The following MECOM variants were observed in gnomAD, a reference collection of about 807,000 sequenced individuals.
MECOM encodes MDS1 and EVI1 complex locus, also known as histone-lysine N-methyltransferase MECOM.
Under a neutral mutation model 116.3 loss-of-function variants are expected in MECOM, and 13 were observed. That is an observed-to-expected ratio of 0.11 (90% CI 0.07 to 0.18). The LOEUF is 0.18. Among genes scored for constraint, MECOM ranks in the 10% least tolerant of loss-of-function variants. The probability of loss-of-function intolerance (pLI) is 1.00; values close to 1 mark genes in which losing one functional copy is unlikely to be tolerated. For synonymous variants in MECOM, 528 were observed against 535.2 expected (o/e 0.99, Z 0.19); for missense variants, 1,299 against 1,509.0 (o/e 0.86, Z 2.31).
intron 7 of MECOM, 127 bp from the exon 8 acceptor site, chr3:169,116,866 C>A: frequency 8.4e-7 from 1 of 1,193,442 alleles, no homozygotes; most frequent in South Asian, 1.8e-5. Context: ...AGGCACCAAT[C>A]TGGGTGCTCC....
chr3:169,377,934 A>G (rs1731315251), intron 2 of MECOM, among the ~76,000 whole-genome samples: 3 of 152,190 alleles, frequency 2.0e-5, no homozygotes, highest in African/African-American at 7.2e-5. Context: ...AATGCCCATC[A>G]ATGATAGACT....
chr3:169,537,571 A>G (rs899317408), intron 1 of MECOM, among the ~76,000 whole-genome samples: 2 of 152,202 alleles, frequency 1.3e-5, no homozygotes, highest in Admixed American at 6.5e-5. Flanking sequence ...TGCCAATGTT[A>G]TAATTGACAG....
chr3:169,444,635 C>T (rs1041535623), intron 1 of MECOM, among the ~76,000 whole-genome samples: 47 of 152,140 alleles, frequency 3.1e-4, no homozygotes, highest in African/African-American at 1.1e-3. Flanking sequence ...TTATCAGCAG[C>T]ATGAAAACAA....
intron 2 of MECOM, among the ~76,000 whole-genome samples, chr3:169,326,638 A>G (rs546049415): frequency 6.6e-6 from 1 of 152,340 alleles, no homozygotes; most frequent in East Asian, 1.9e-4. Flanking sequence ...AGGCTTCAAT[A>G]ATCGGAGTCT....
intron 1 of MECOM, among the ~76,000 whole-genome samples, chr3:169,489,687 C>T (rs59030006): frequency 0.51 from 77,053 of 151,474 alleles, 19,605 homozygotes; most frequent in South Asian, 0.6. Context: ...CTTGGTTAGG[C>T]GTAGAAAAAA....
At chr3:169,553,391 T>A (rs1761636466) in intron 1 of MECOM, among the ~76,000 whole-genome samples, 2 of 152,220 alleles carry the variant, frequency 1.3e-5, no homozygotes, top group Non-Finnish European at 2.9e-5. Context: ...GTTGCTTTAG[T>A]ATCTGCTAAA....
At chr3:169,263,127 A>ATATATATT (rs1757800705) in intron 2 of MECOM, among the ~76,000 whole-genome samples, 1 of 19,610 alleles carries the variant, frequency 5.1e-5, no homozygotes, top group African/African-American at 2.4e-4. Context: ...ATATATATAT[A>ATATATATT]TGTTTTTTTT....
chr3:169,400,463 T>TA (rs992292700), intron 1 of MECOM, among the ~76,000 whole-genome samples: 21 of 152,234 alleles, frequency 1.4e-4, no homozygotes, highest in African/African-American at 4.8e-4. Flanking sequence ...ATTCTCAACA[T>TA]ACATTTGTTT....
intron 1 of MECOM, among the ~76,000 whole-genome samples, chr3:169,426,452 A>C (rs1740710135): frequency 6.6e-6 from 1 of 152,188 alleles, no homozygotes; most frequent in Non-Finnish European, 1.5e-5. Context: ...CAGGCATGTC[A>C]CCAGGAGATT....
At chr3:169,173,905 C>T (rs1744791049) in intron 2 of MECOM, among the ~76,000 whole-genome samples, 1 of 152,194 alleles carries the variant, frequency 6.6e-6, no homozygotes, top group African/African-American at 2.4e-5. Flanking sequence ...TGCTCTGTTA[C>T]TTTCTATGTA....
rs374446126 is a variant in MECOM at position 169,200,974 on chromosome 3, T to C, written c.376-57142A>G. ...CTTAAGACTCCCCTATCTAACCTTA[T>C]AACTCCCACAAGCTATCTTACTCTC... is the stretch of plus-strand genomic sequence containing the variant. On this transcript the variant is annotated intron_variant, in intron 2 of 16. Transcript: ENST00000651503. 1.4e-4 allele frequency among the ~76,000 whole-genome samples: 22 copies of C among 152,230 alleles called. No individual in the cohort carries two copies. In the East Asian group the frequency reaches 2.9e-3, roughly 20 times the overall value.
chr3:169,549,006 C>T (rs778552833), intron 1 of MECOM, among the ~76,000 whole-genome samples: 2 of 140,704 alleles, frequency 1.4e-5, no homozygotes, highest in African/African-American at 5.3e-5. Flanking sequence ...CGAAGTCTCA[C>T]TCTGTTGCCT....
At chr3:169,411,691 T>A (rs1737581140) in intron 1 of MECOM, among the ~76,000 whole-genome samples, 1 of 152,170 alleles carries the variant, frequency 6.6e-6, no homozygotes, top group Admixed American at 6.5e-5. Flanking sequence ...ACATAAATAT[T>A]TATGTTAAAG....
chr3:169,085,450 G>A (rs1717356822), intron 16 of MECOM, among the ~76,000 whole-genome samples: 1 of 152,142 alleles, frequency 6.6e-6, no homozygotes, highest in South Asian at 2.1e-4. Context: ...CAGAGCTGTG[G>A]CCTAGTAGAG....
At chr3:169,430,474 A>C (rs373384358) in intron 1 of MECOM, among the ~76,000 whole-genome samples, 5 of 152,224 alleles carry the variant, frequency 3.3e-5, no homozygotes, top group Admixed American at 6.5e-5. Context: ...AGGCCCTTGG[A>C]AAACTAATAG....
chr3:169,620,354 C>T (rs1475212803), intron 1 of MECOM, among the ~76,000 whole-genome samples: 1 of 152,194 alleles, frequency 6.6e-6, no homozygotes, highest in Non-Finnish European at 1.5e-5. Flanking sequence ...TCAAACAGTT[C>T]TCAGAAGCTT....
intron 2 of MECOM, among the ~76,000 whole-genome samples, chr3:169,276,764 C>G (rs528596501): frequency 7.9e-5 from 12 of 151,900 alleles, no homozygotes; most frequent in Non-Finnish European, 1.6e-4. Context: ...TTTATAGAAA[C>G]AAAAAACAAT....
At chr3:169,327,880 C>A (rs1722122947) in intron 2 of MECOM, among the ~76,000 whole-genome samples, 1 of 152,174 alleles carries the variant, frequency 6.6e-6, no homozygotes, top group Non-Finnish European at 1.5e-5. Flanking sequence ...ACACTCCACA[C>A]CTTCTTTGAA....
At chr3:169,242,802 G>A (rs545605228) in intron 2 of MECOM, among the ~76,000 whole-genome samples, 1 of 151,892 alleles carries the variant, frequency 6.6e-6, no homozygotes, top group Non-Finnish European at 1.5e-5. Flanking sequence ...TGAGGGCCAG[G>A]GAGAGAAACA....
Sources: gnomAD v4.1 joint callset for allele counts (sites outside exome capture counted in the v4.1 genomes callset) on GRCh38, gnomAD v4.1.1 for gene constraint, MANE v1.5 for transcripts, NCBI Gene and HGNC (gene_info 2026-07-23, HGNC 2026-07-21) for gene names.